The following RNF217 variants were observed in gnomAD, a reference collection of about 807,000 sequenced individuals.
The protein encoded by RNF217 is ring finger protein 217, also known as E3 ubiquitin-protein ligase RNF217.
RNF217 carries 31 observed loss-of-function variants against 57.8 expected under a neutral mutation model. That is an observed-to-expected ratio of 0.54 (90% CI 0.40 to 0.72). The LOEUF is 0.72. RNF217 is among the 30% of genes least tolerant of loss of function. RNF217 has a pLI of 0.00. For synonymous variants in RNF217, 313 were observed against 294.0 expected (o/e 1.06, Z -0.66); for missense variants, 696 against 708.3 (o/e 0.98, Z 0.20).
At chr6:125,031,548 C>G (rs1050166990) in intron 1 of RNF217, among the ~76,000 whole-genome samples, 8 of 152,166 alleles carry the variant, frequency 5.3e-5, no homozygotes, top group African/African-American at 1.9e-4. Context: ...CCACAAATCT[C>G]TAGGGCAGGG....
In RNF217 at chr6:125,081,471, T is replaced by C. The variant is rs1274425811; in HGVS notation, c.1519T>C (p.Leu507=). 6.2e-7 allele frequency: 1 copy of C among 1,611,532 alleles called. No homozygotes were observed. The highest frequency in any genetic ancestry group is 8.5e-7 in the Non-Finnish European group (1 of 1,178,422). Reference sequence around the variant, plus strand: ...ATTCATTGCACCTCTAATTATGGTTTTGGGATTGGCACTAGGGGCCATAGC... The same window carrying C: ...ATTCATTGCACCTCTAATTATGGTTCTGGGATTGGCACTAGGGGCCATAGC... ...KLFIAPLIMV[L]GLALGAIAVV... The change falls in exon 5 of 6, where the codon TTG becomes CTG. Residue 507 remains leucine, a synonymous_variant. Coordinates refer to ENST00000521654, the MANE Select transcript of RNF217 (RefSeq NM_001286398.3).
chr6:125,048,343 G>A (rs899782635), intron 2 of RNF217: 3 of 1,125,558 alleles, frequency 2.7e-6, no homozygotes, highest in Admixed American at 4.6e-5. Flanking sequence ...GTCATTTATG[G>A]TAACTTTAAG....
chr6:124,968,189 G>T (rs1223603669), intron 1 of RNF217, among the ~76,000 whole-genome samples: 2 of 152,214 alleles, frequency 1.3e-5, no homozygotes, highest in Non-Finnish European at 2.9e-5. Flanking sequence ...TGAATTTATA[G>T]AACCTGTCAT....
intron 3 of RNF217, among the ~76,000 whole-genome samples, chr6:125,074,297 GTAGATAGATAGATAGATAGATAGA>G (rs61208735): frequency 2.1e-5 from 3 of 144,766 alleles, no homozygotes; most frequent in Non-Finnish European, 3.0e-5. Flanking sequence ...CAGAAGATAG[GTAGATAGATAGATAGATAGATAGA>G]TAGATAGATA....
At chr6:125,048,608 G>A (rs115840095) in intron 2 of RNF217, among the ~76,000 whole-genome samples, 3,573 of 152,060 alleles carry the variant, frequency 0.023, 163 homozygotes, top group African/African-American at 0.083. Context: ...GGCTTTTGCT[G>A]TCAATTCAAC....
chr6:124,978,567 C>T (rs1265187468), intron 1 of RNF217, among the ~76,000 whole-genome samples: 1 of 152,048 alleles, frequency 6.6e-6, no homozygotes, highest in Admixed American at 6.6e-5. Flanking sequence ...TCTTCAATCC[C>T]ATAGCTCAGT....
intron 1 of RNF217, among the ~76,000 whole-genome samples, chr6:125,036,141 C>A (rs920248250): frequency 1.3e-5 from 2 of 151,916 alleles, no homozygotes; most frequent in African/African-American, 4.8e-5. Context: ...GTGTTCTAAT[C>A]GTTCGACTCC....
chr6:125,060,000 A>G (rs1008813711), intron 3 of RNF217, among the ~76,000 whole-genome samples: 3 of 152,096 alleles, frequency 2.0e-5, no homozygotes, highest in African/African-American at 7.2e-5. Flanking sequence ...TGGAGTATAA[A>G]TGGTTTCATT....
chr6:124,972,118 A>G (rs1378335449), intron 1 of RNF217, among the ~76,000 whole-genome samples: 3 of 152,178 alleles, frequency 2.0e-5, no homozygotes, highest in East Asian at 1.9e-4. Context: ...CACATGCTCA[A>G]AGCCTTGCTT....
At chr6:125,038,268 T>C (rs368740734) in intron 1 of RNF217, among the ~76,000 whole-genome samples, 2 of 152,180 alleles carry the variant, frequency 1.3e-5, no homozygotes, top group South Asian at 2.1e-4. Flanking sequence ...AAAATATCTT[T>C]AAGTACATTA....
intron 2 of RNF217, among the ~76,000 whole-genome samples, chr6:125,051,154 A>T (rs1448528632): frequency 2.0e-5 from 3 of 151,814 alleles, no homozygotes; most frequent in Non-Finnish European, 4.4e-5. Flanking sequence ...TAACAGCCAA[A>T]TGTTGGAATT....
chr6:125,079,212 A>G (rs1184789153), intron 4 of RNF217, among the ~76,000 whole-genome samples: 1 of 152,170 alleles, frequency 6.6e-6, no homozygotes, highest in Non-Finnish European at 1.5e-5. Context: ...CCTCTGACAT[A>G]GGGGCATCTC....
At chr6:124,968,894 T>A (rs1305515057) in intron 1 of RNF217, among the ~76,000 whole-genome samples, 5 of 152,240 alleles carry the variant, frequency 3.3e-5, no homozygotes. Context: ...ATCAGTGCAC[T>A]ATTTGTGCAT....
intron 2 of RNF217, among the ~76,000 whole-genome samples, chr6:125,054,546 C>T (rs1562487880): frequency 6.6e-6 from 1 of 152,180 alleles, no homozygotes; most frequent in Admixed American, 6.5e-5. Context: ...ATCTCTATGA[C>T]ACTCCTCAAG....
chr6:124,982,046 A>T (rs1417049991), intron 1 of RNF217, among the ~76,000 whole-genome samples: 1 of 150,276 alleles, frequency 6.7e-6, no homozygotes, highest in Non-Finnish European at 1.5e-5. Context: ...AAAAAAAAAA[A>T]AGATCTTGAG....
At chr6:125,049,047 G>C (rs934569422) in intron 2 of RNF217, among the ~76,000 whole-genome samples, 1 of 151,956 alleles carries the variant, frequency 6.6e-6, no homozygotes, top group Admixed American at 6.6e-5. Context: ...TGCCAGAAAG[G>C]CTTACCGTTC....
At chr6:124,973,133 T>C (rs1783823437) in intron 1 of RNF217, among the ~76,000 whole-genome samples, 1 of 152,182 alleles carries the variant, frequency 6.6e-6, no homozygotes, top group African/African-American at 2.4e-5. Flanking sequence ...ATTTCAGTAT[T>C]TCATTTTCTT....
chr6:124,996,844 A>G (rs1187279428), intron 1 of RNF217, among the ~76,000 whole-genome samples: 1 of 152,192 alleles, frequency 6.6e-6, no homozygotes, highest in African/African-American at 2.4e-5. Flanking sequence ...TCTATTTTTT[A>G]CTATATAAAG....
At chr6:124,974,476 A>C (rs1157355486) in intron 1 of RNF217, among the ~76,000 whole-genome samples, 1 of 152,156 alleles carries the variant, frequency 6.6e-6, no homozygotes, top group Non-Finnish European at 1.5e-5. Context: ...TTATCTTATA[A>C]AATTAAATAT....
Sources: gnomAD v4.1 joint callset for allele counts (sites outside exome capture counted in the v4.1 genomes callset) on GRCh38, gnomAD v4.1.1 for gene constraint, MANE v1.5 for transcripts, NCBI Gene and HGNC (gene_info 2026-07-23, HGNC 2026-07-21) for gene names.